FANCL: variants seen among roughly 807,000 people sequenced by gnomAD.
FANCL encodes E3 ubiquitin-protein ligase FANCL.
In FANCL, 69 loss-of-function variants were observed where a neutral mutation model predicts 59.4. That is an observed-to-expected ratio of 1.16 (90% confidence interval 0.96 to 1.42). The LOEUF is 1.42. Ranked by LOEUF, FANCL falls within the 40% of genes most tolerant of loss-of-function variation. The pLI is 0.00. For synonymous variants in FANCL, 180 were observed against 147.1 expected (o/e 1.22, Z -1.62); for missense variants, 519 against 447.2 (o/e 1.16, Z -1.45).
chr2:58,170,417 A>T (rs957192213), intron 7 of FANCL, among the ~76,000 whole-genome samples: 3 of 152,206 alleles, frequency 2.0e-5, no homozygotes, highest in Admixed American at 1.3e-4. Flanking sequence ...AACCAGTACC[A>T]GCCACTGCAA....
rs933913059 is a variant in FANCL at position 58,160,128 on chromosome 2, C to T, written c.1072G>A (p.Glu358Lys). The change falls in exon 13 of 14, where the codon GAA becomes AAA. Residue 358 changes from glutamate (E) to lysine (K), a missense_variant. Coordinates refer to ENST00000233741, the MANE Select transcript of FANCL (RefSeq NM_018062.4). ...SRQSFNIIFG[E>K]CPYCSKPITL... ...CTTACCTTACTACAATATGGACATT[C>T]ACCAAATATGATGTTAAAACTCTGT... The T allele has an allele frequency of 6.2e-7, 1 of 1,612,636 alleles. No homozygotes were observed. Among genetic ancestry groups the T allele is most frequent in the Non-Finnish European group, 8.5e-7 (1 of 1,179,010 alleles).
At chr2:58,161,434 C>T (rs1163779449) in intron 12 of FANCL, 88 bp downstream of exon 12, 15 of 883,854 alleles carry the variant, frequency 1.7e-5, no homozygotes, top group Non-Finnish European at 2.9e-5. Context: ...ATTGACTCAA[C>T]AGATTTTAGA....
chr2:58,175,697 T>C (rs537787213), intron 7 of FANCL, among the ~76,000 whole-genome samples: 1 of 152,274 alleles, frequency 6.6e-6, no homozygotes, highest in Admixed American at 6.5e-5. Context: ...GGGCAAAAAC[T>C]TGAAGCATTC....
Position 58,161,488 on chromosome 2 carries a change from G to A in FANCL, c.1020+34C>T, listed in dbSNP as rs201251765. On this transcript the variant is annotated intron_variant, in intron 12 of 13. Transcript: ENST00000233741. ...GGAATACTTCCTATGTTGTGTTAGC[G>A]GAAAAAAGTCTTGACAATATTTTTA... The A allele has an allele frequency of 3.2e-4, 422 of 1,302,374 alleles. 3 individuals are homozygous for A. In the East Asian group the frequency reaches 8.6e-3, roughly 26 times the overall value. The allele number at this position is 1,302,374 out of a possible 1,614,324, so 80.7% of individuals were successfully genotyped here.
chr2:58,209,779 G>C (rs1690945347), intron 5 of FANCL, among the ~76,000 whole-genome samples: 1 of 152,114 alleles, frequency 6.6e-6, no homozygotes, highest in South Asian at 2.1e-4. Flanking sequence ...AAGAATTAAA[G>C]CTCTGGTATA....
At chr2:58,168,689 G>T (rs1484206433) in intron 7 of FANCL, among the ~76,000 whole-genome samples, 1 of 152,172 alleles carries the variant, frequency 6.6e-6, no homozygotes, top group Non-Finnish European at 1.5e-5. Context: ...AGCAAGCTAA[G>T]ATCCACTGGC....
intron 8 of FANCL, among the ~76,000 whole-genome samples, chr2:58,164,289 T>C (rs577330364): frequency 1.3e-5 from 2 of 152,130 alleles, no homozygotes; most frequent in South Asian, 2.1e-4. Context: ...CCATACACTG[T>C]AGAATAAGCC....
At chr2:58,212,160 T>C (rs1691226113) in intron 5 of FANCL, among the ~76,000 whole-genome samples, 1 of 152,204 alleles carries the variant, frequency 6.6e-6, no homozygotes, top group East Asian at 1.9e-4. Flanking sequence ...TCCACATGGC[T>C]GGGGAAGCCT....
chr2:58,195,997 T>C (rs1438856132), intron 7 of FANCL, among the ~76,000 whole-genome samples: 2 of 152,158 alleles, frequency 1.3e-5, no homozygotes, highest in African/African-American at 2.4e-5. Context: ...AATTTGTGAA[T>C]AACCTTATCA....
At chr2:58,211,793 A>G (rs1488283673) in intron 5 of FANCL, among the ~76,000 whole-genome samples, 1 of 152,308 alleles carries the variant, frequency 6.6e-6, no homozygotes, top group African/African-American at 2.4e-5. Context: ...TTGCTAAAAC[A>G]TAACAAGAGT....
chr2:58,173,033 A>C (rs1686841996), intron 7 of FANCL, among the ~76,000 whole-genome samples: 1 of 152,266 alleles, frequency 6.6e-6, no homozygotes, highest in African/African-American at 2.4e-5. Flanking sequence ...AAGAAAGGGT[A>C]TCAGTGACGG....
intron 7 of FANCL, among the ~76,000 whole-genome samples, chr2:58,184,540 T>C (rs1349955629): frequency 1.3e-5 from 2 of 151,922 alleles, no homozygotes; most frequent in Non-Finnish European, 1.5e-5. Context: ...GATCTGCTAA[T>C]CAAAGCAAAA....
chr2:58,193,960 A>G (rs1393552239), intron 7 of FANCL, among the ~76,000 whole-genome samples: 2 of 152,104 alleles, frequency 1.3e-5, no homozygotes, highest in African/African-American at 4.8e-5. Context: ...AAATGCTAGT[A>G]TACTGCTCTA....
intron 9 of FANCL, 141 bp from the exon 10 acceptor site, chr2:58,163,215 G>T (rs977281754): frequency 3.8e-6 from 3 of 792,748 alleles, no homozygotes; most frequent in Non-Finnish European, 4.1e-6. Context: ...AAATTATACA[G>T]TTCAGAATGC....
chr2:58,174,586 C>T (rs1029147329), intron 7 of FANCL, among the ~76,000 whole-genome samples: 1 of 152,106 alleles, frequency 6.6e-6, no homozygotes, highest in African/African-American at 2.4e-5. Flanking sequence ...TTCTTTGAAA[C>T]CAACGAGAAC....
At chr2:58,217,143 ATTTATATATATATTTATATATTT>A (rs775079349) in intron 5 of FANCL, among the ~76,000 whole-genome samples, 12,627 of 97,816 alleles carry the variant, frequency 0.13, 1,522 homozygotes, top group Non-Finnish European at 0.2. Flanking sequence ...TTATATATAG[ATTTATATATATATTTATATATTT>A]TATATATATA....
chr2:58,161,964 C>T (rs1324252984), intron 11 of FANCL, among the ~76,000 whole-genome samples: 2 of 151,808 alleles, frequency 1.3e-5, no homozygotes, highest in Admixed American at 1.3e-4. Flanking sequence ...TAACACCTAG[C>T]AAAGCTATTG....
At chr2:58,223,253 T>C (rs1692661177) in intron 4 of FANCL, among the ~76,000 whole-genome samples, 3 of 151,858 alleles carry the variant, frequency 2.0e-5, no homozygotes, top group African/African-American at 7.2e-5. Context: ...TTTTATAATA[T>C]AAATGACTAA....
At chr2:58,178,629 T>G (rs1687608988) in intron 7 of FANCL, among the ~76,000 whole-genome samples, 1 of 152,152 alleles carries the variant, frequency 6.6e-6, no homozygotes, top group Admixed American at 6.6e-5. Flanking sequence ...AATATCATAC[T>G]GAATGGGCAA....
Sources: gnomAD v4.1 joint callset for allele counts (sites outside exome capture counted in the v4.1 genomes callset) on GRCh38, gnomAD v4.1.1 for gene constraint, MANE v1.5 for transcripts, NCBI Gene and HGNC (gene_info 2026-07-23, HGNC 2026-07-21) for gene names.